The following RBMS3 variants were observed in gnomAD, a reference collection of about 807,000 sequenced individuals.
RBMS3 encodes RNA-binding motif, single-stranded-interacting protein 3.
Under a neutral mutation model 66.8 loss-of-function variants are expected in RBMS3, and 27 were observed. The ratio of observed to expected loss-of-function variants is 0.40; its 90% CI spans 0.30 to 0.56. The LOEUF is 0.56. RBMS3 is among the 20% of genes least tolerant of loss of function. The pLI, the probability that RBMS3 is intolerant of heterozygous loss-of-function variation, is 0.40. For synonymous variants in RBMS3, 188 were observed against 183.0 expected (o/e 1.03, Z -0.22); for missense variants, 513 against 549.5 (o/e 0.93, Z 0.66).
chr3:29,640,286 C>CACACA (rs879853761), intron 4 of RBMS3, among the ~76,000 whole-genome samples: 93 of 123,058 alleles, frequency 7.6e-4, no homozygotes, highest in African/African-American at 2.5e-3. Context: ...ACACACACAC[C>CACACA]CACACACACA....
At chr3:29,433,607 G>GTA (rs1286477380) in intron 1 of RBMS3, among the ~76,000 whole-genome samples, 6 of 152,144 alleles carry the variant, frequency 3.9e-5, no homozygotes, top group Non-Finnish European at 1.5e-5. Flanking sequence ...TAATGAGAAT[G>GTA]CTGCTTCTCA....
At chr3:29,957,260 G>A (rs1381668605) in intron 12 of RBMS3, among the ~76,000 whole-genome samples, 1 of 152,024 alleles carries the variant, frequency 6.6e-6, no homozygotes, top group Non-Finnish European at 1.5e-5. Flanking sequence ...TTAGAGCAGA[G>A]ACTATTCATA....
At chr3:29,955,420 C>G (rs1330604934) in intron 12 of RBMS3, among the ~76,000 whole-genome samples, 1 of 151,990 alleles carries the variant, frequency 6.6e-6, no homozygotes, top group Non-Finnish European at 1.5e-5. Flanking sequence ...CACTGCCACT[C>G]ATACCTTTCA....
intron 1 of RBMS3, among the ~76,000 whole-genome samples, chr3:29,343,637 C>T (rs980200706): frequency 3.3e-5 from 5 of 152,136 alleles, no homozygotes; most frequent in South Asian, 2.1e-4. Context: ...AATTGGAATA[C>T]GACTTAGGTC....
chr3:29,624,259 T>A (rs2048976526), intron 4 of RBMS3, among the ~76,000 whole-genome samples: 1 of 152,220 alleles, frequency 6.6e-6, no homozygotes, highest in Non-Finnish European at 1.5e-5. Context: ...AAGTTATTCA[T>A]GATTTAATTC....
intron 3 of RBMS3, among the ~76,000 whole-genome samples, chr3:29,502,398 CAA>C (rs2044008150): frequency 1.3e-5 from 2 of 152,032 alleles, no homozygotes; most frequent in Non-Finnish European, 2.9e-5. Flanking sequence ...AAAATAATCC[CAA>C]TAAGTAAGAC....
At chr3:29,640,841 C>A (rs1472334711) in intron 4 of RBMS3, among the ~76,000 whole-genome samples, 1 of 151,846 alleles carries the variant, frequency 6.6e-6, no homozygotes, top group Non-Finnish European at 1.5e-5. Flanking sequence ...TATCTCTACC[C>A]CTTACTCCTG....
intron 3 of RBMS3, among the ~76,000 whole-genome samples, chr3:29,586,780 G>A (rs1440159813): frequency 2.0e-5 from 3 of 152,038 alleles, no homozygotes; most frequent in Non-Finnish European, 4.4e-5. Context: ...CCAGCACTTT[G>A]TGTACCTCAC....
intron 4 of RBMS3, among the ~76,000 whole-genome samples, chr3:29,673,052 T>C (rs968630713): frequency 1.3e-5 from 2 of 152,162 alleles, no homozygotes; most frequent in Non-Finnish European, 2.9e-5. Flanking sequence ...ACAAACTGTC[T>C]CTCAGACCAC....
At chr3:29,386,857 T>G (rs946703305) in intron 1 of RBMS3, among the ~76,000 whole-genome samples, 1 of 152,220 alleles carries the variant, frequency 6.6e-6, no homozygotes, top group Non-Finnish European at 1.5e-5. Flanking sequence ...AAATGATTTT[T>G]GTCAACGTCA....
intron 4 of RBMS3, among the ~76,000 whole-genome samples, chr3:29,643,981 A>G (rs946539812): frequency 2.6e-5 from 4 of 152,174 alleles, no homozygotes; most frequent in East Asian, 1.9e-4. Context: ...TTTCGAGTGC[A>G]TTGGTTTCTC....
chr3:29,380,081 A>G (rs2125621517), intron 1 of RBMS3, among the ~76,000 whole-genome samples: 1 of 152,216 alleles, frequency 6.6e-6, no homozygotes, highest in Non-Finnish European at 1.5e-5. Flanking sequence ...AGAAGAGAAA[A>G]GGGGAAGGAA....
chr3:29,779,734 C>T (rs1282095711), intron 6 of RBMS3, among the ~76,000 whole-genome samples: 2 of 74,394 alleles, frequency 2.7e-5, no homozygotes, highest in African/African-American at 8.7e-5. Flanking sequence ...TAAACAACCC[C>T]AAATTTTAAT....
intron 6 of RBMS3, among the ~76,000 whole-genome samples, chr3:29,837,230 T>G (rs2058534432): frequency 6.6e-6 from 1 of 152,134 alleles, no homozygotes; most frequent in African/African-American, 2.4e-5. Flanking sequence ...GTTGAATAAA[T>G]GTATACCTAT....
intron 2 of RBMS3, among the ~76,000 whole-genome samples, chr3:29,460,148 C>A (rs562975045): frequency 6.6e-6 from 1 of 152,324 alleles, no homozygotes; most frequent in East Asian, 1.9e-4. Context: ...TGAGCCCTTT[C>A]TCCAGGCTAA....
intron 1 of RBMS3, among the ~76,000 whole-genome samples, chr3:29,375,363 C>T (rs1482792726): frequency 6.6e-6 from 1 of 152,120 alleles, no homozygotes; most frequent in East Asian, 1.9e-4. Context: ...CAAATGGGAT[C>T]TAATTAAAGA....
chr3:29,919,258 A>C (rs2060710582), intron 10 of RBMS3, among the ~76,000 whole-genome samples: 1 of 152,190 alleles, frequency 6.6e-6, no homozygotes, highest in African/African-American at 2.4e-5. Flanking sequence ...GACCATTCCC[A>C]TTGAAAAATA....
chr3:29,473,193 C>T (rs1182397067), intron 2 of RBMS3, among the ~76,000 whole-genome samples: 15 of 151,922 alleles, frequency 9.9e-5, no homozygotes, highest in Non-Finnish European at 4.4e-5. Flanking sequence ...TAGCTAGATA[C>T]AGAGTGTCGA....
At chr3:29,858,253 A>G (rs2059129822) in intron 6 of RBMS3, among the ~76,000 whole-genome samples, 1 of 152,114 alleles carries the variant, frequency 6.6e-6, no homozygotes, top group Non-Finnish European at 1.5e-5. Context: ...GTAAGATTAT[A>G]GTGATATTTT....
Sources: gnomAD v4.1 joint callset for allele counts (sites outside exome capture counted in the v4.1 genomes callset) on GRCh38, gnomAD v4.1.1 for gene constraint, MANE v1.5 for transcripts, NCBI Gene and HGNC (gene_info 2026-07-23, HGNC 2026-07-21) for gene names.